Variants in CMC1 observed in about 807,000 individuals in gnomAD.
CMC1 encodes the protein COX assembly mitochondrial protein homolog.
A neutral mutation model predicts 14.1 loss-of-function variants in CMC1; 14 were observed. The observed-to-expected ratio is 0.99, with a 90% CI of 0.66 to 1.55. The LOEUF is 1.55. CMC1 is among the 40% of genes most tolerant of loss of function. The probability of loss-of-function intolerance (pLI) is 0.00; values close to 1 mark genes in which losing one functional copy is unlikely to be tolerated. For synonymous variants in CMC1, 50 were observed against 38.4 expected (o/e 1.30, Z -1.12); for missense variants, 127 against 123.8 (o/e 1.03, Z -0.12).
chr3:28,277,314 T>G (rs1033919843), intron 2 of CMC1, among the ~76,000 whole-genome samples: 2 of 152,220 alleles, frequency 1.3e-5, no homozygotes, highest in Non-Finnish European at 2.9e-5. Flanking sequence ...GTTAGCCAAA[T>G]ATTACATCAC....
chr3:28,264,365 C>G (rs1298697306), intron 2 of CMC1, among the ~76,000 whole-genome samples: 2 of 152,164 alleles, frequency 1.3e-5, no homozygotes, highest in African/African-American at 4.8e-5. Context: ...TCCCTGTCCT[C>G]TGCCCTTAGA....
At chr3:28,292,685 A>G (rs1701534779) in intron 2 of CMC1, 1 of 152,174 alleles carries the variant, frequency 6.6e-6, no homozygotes, top group Admixed American at 6.6e-5. Context: ...ATGTTTGTAT[A>G]CATTATGGTT....
chr3:28,256,356 G>A (rs1295997535), intron 1 of CMC1, among the ~76,000 whole-genome samples: 2 of 152,126 alleles, frequency 1.3e-5, no homozygotes, highest in Non-Finnish European at 2.9e-5. Context: ...GCTGCAGTCA[G>A]CAAGTGTAAT....
intron 2 of CMC1, among the ~76,000 whole-genome samples, chr3:28,287,000 T>C (rs1292615951): frequency 1.3e-5 from 2 of 152,208 alleles, no homozygotes; most frequent in Non-Finnish European, 2.9e-5. Context: ...CCTTTTTGTT[T>C]GCTTAATTTT....
At chr3:28,308,674 T>C (rs1202531777) in intron 2 of CMC1, among the ~76,000 whole-genome samples, 2 of 152,132 alleles carry the variant, frequency 1.3e-5, no homozygotes, top group Non-Finnish European at 2.9e-5. Flanking sequence ...TTGAAATAGT[T>C]ATGGAATTAC....
At chr3:28,310,818 G>A (rs570421126) in intron 2 of CMC1, among the ~76,000 whole-genome samples, 2 of 152,306 alleles carry the variant, frequency 1.3e-5, no homozygotes, top group Admixed American at 6.5e-5. Context: ...GTTTTGGGAT[G>A]AAACTATTCC....
intron 2 of CMC1, among the ~76,000 whole-genome samples, chr3:28,283,147 T>A (rs1700982471): frequency 6.6e-6 from 1 of 152,182 alleles, no homozygotes; most frequent in African/African-American, 2.4e-5. Flanking sequence ...TTTTTCAAAG[T>A]GCTTTATGTA....
intron 3 of CMC1, 197 bp from the exon 4 acceptor site, chr3:28,319,312 T>C (rs1256889542): frequency 1.6e-6 from 1 of 613,958 alleles, no homozygotes; most frequent in South Asian, 1.5e-5. Context: ...TCTGTGACAG[T>C]GCTATATAAA....
intron 2 of CMC1, among the ~76,000 whole-genome samples, chr3:28,282,720 G>A (rs1290259877): frequency 6.6e-6 from 1 of 151,966 alleles, no homozygotes; most frequent in African/African-American, 2.4e-5. Context: ...TATATTACCT[G>A]TGTTATTATC....
rs776075890 is a variant in CMC1 at position 28,241,671 on chromosome 3, T to A, written c.-123T>A. The A allele has an allele frequency of 8.3e-5, 103 of 1,234,460 alleles. No individual in the cohort carries two copies. The highest frequency in any genetic ancestry group is 9.6e-5 in the Non-Finnish European group (95 of 987,716). 76.5% of individuals were successfully genotyped at this position (1,234,460 alleles called of 1,614,324 possible). A position where few individuals can be genotyped will look rare whatever the true frequency, so the allele number is the denominator to read the frequency against. ...CTGGCGGTGCTTTGCAAAGGGCCCG[T>A]GTTTCTGTTGCGGGAAGCTCCCGGG... On this transcript the variant is annotated 5_prime_UTR_variant, in exon 1 of 4. Coordinates refer to ENST00000466830, the MANE Select transcript of CMC1 (RefSeq NM_182523.2).
intron 2 of CMC1, among the ~76,000 whole-genome samples, chr3:28,302,953 T>G (rs996334139): frequency 1.2e-4 from 18 of 152,176 alleles, no homozygotes; most frequent in African/African-American, 2.4e-4. Context: ...TGAGATCCAA[T>G]AGTAATTACA....
At chr3:28,252,150 C>T (rs1411005032) in intron 1 of CMC1, among the ~76,000 whole-genome samples, 1 of 152,178 alleles carries the variant, frequency 6.6e-6, no homozygotes, top group Non-Finnish European at 1.5e-5. Flanking sequence ...TTGGTTAAAG[C>T]AGTGTGGGTG....
intron 2 of CMC1, among the ~76,000 whole-genome samples, chr3:28,306,573 T>C (rs1702319775): frequency 6.6e-6 from 1 of 152,204 alleles, no homozygotes; most frequent in East Asian, 1.9e-4. Flanking sequence ...AGTAGTCTTT[T>C]AGAGGAATCT....
At chr3:28,299,597 G>C (rs1484092671) in intron 2 of CMC1, among the ~76,000 whole-genome samples, 1 of 151,982 alleles carries the variant, frequency 6.6e-6, no homozygotes, top group Admixed American at 6.6e-5. Flanking sequence ...TAAATCACAA[G>C]TTAATAGAAA....
In CMC1 at chr3:28,255,651, C is replaced by A. The variant is rs139148629; in HGVS notation, c.20-7640C>A. ...GACCTATGGGCTAAATCTGGAAAGG[C>A]CTATAAGCTAGGAACGGTTAGTAAC... is the stretch of plus-strand genomic sequence containing the variant. On this transcript the variant is annotated intron_variant, in intron 1 of 3. Coordinates refer to ENST00000466830, the MANE Select transcript of CMC1 (RefSeq NM_182523.2). Among the ~76,000 whole-genome samples the A allele has an allele frequency of 1.3e-3, 192 of 150,986 alleles. 1 individual carries two copies. The highest frequency in any genetic ancestry group is 2.2e-3 in the Non-Finnish European group (148 of 67,846).
At chr3:28,246,798 A>ATT (rs770788764) in intron 1 of CMC1, among the ~76,000 whole-genome samples, 24 of 121,460 alleles carry the variant, frequency 2.0e-4, no homozygotes, top group South Asian at 5.4e-4. Context: ...GGGTCCATTG[A>ATT]TTTTTTTTTT....
chr3:28,281,061 C>A (rs566760002), intron 2 of CMC1, among the ~76,000 whole-genome samples: 1 of 152,354 alleles, frequency 6.6e-6, no homozygotes, highest in East Asian at 1.9e-4. Flanking sequence ...TTACCGAAAA[C>A]ATTTCCTGAC....
chr3:28,259,111 G>A (rs1699591000), intron 1 of CMC1, among the ~76,000 whole-genome samples: 1 of 151,400 alleles, frequency 6.6e-6, no homozygotes, highest in Non-Finnish European at 1.5e-5. Context: ...GTGCTTCCTT[G>A]TATGTTTTTT....
chr3:28,313,838 G>A (rs1020481208), intron 2 of CMC1, among the ~76,000 whole-genome samples: 2 of 152,198 alleles, frequency 1.3e-5, no homozygotes, highest in Admixed American at 1.3e-4. Flanking sequence ...TTAAAATATT[G>A]GGTTTGTTAA....
Sources: allele counts gnomAD v4.1 joint callset (sites outside exome capture counted in the v4.1 genomes callset), GRCh38; gene constraint gnomAD v4.1.1; transcripts MANE v1.5; gene names NCBI Gene and HGNC (gene_info 2026-07-23, HGNC 2026-07-21).